The following ITGB2 variants were observed in gnomAD, a reference collection of about 807,000 sequenced individuals.
ITGB2 encodes integrin subunit beta 2, also known as integrin beta-2.
Under a neutral mutation model 86.8 loss-of-function variants are expected in ITGB2, and 56 were observed. The observed-to-expected ratio is 0.65, with a 90% CI of 0.52 to 0.81. ITGB2 has a LOEUF of 0.81. ITGB2 is among the 30% of genes least tolerant of loss of function. The pLI is 0.00. For synonymous variants in ITGB2, 457 were observed against 450.4 expected, an observed-to-expected ratio of 1.01 and a Z score of -0.19; for missense variants, 948 against 1,061.2, an observed-to-expected ratio of 0.89 and a Z score of 1.48.
intron 8 of ITGB2, among the ~76,000 whole-genome samples, chr21:44,896,311 C>T (rs966806267): frequency 1.3e-5 from 2 of 152,202 alleles, no homozygotes; most frequent in African/African-American, 4.8e-5. Flanking sequence ...GTAAAATCAC[C>T]AGGAAGCCAT....
Position 44,895,043 on chromosome 21 carries a change from G to A in ITGB2, c.1011C>T (p.Ile337=). 6.2e-7 allele frequency: 1 copy of A among 1,613,504 alleles called. No homozygotes were observed. Among genetic ancestry groups the A allele is most frequent in the Non-Finnish European group, 8.5e-7 (1 of 1,179,652 alleles). The change falls in exon 9 of 16, where the codon ATC becomes ATT. Residue 337 remains isoleucine, a synonymous_variant. Coordinates refer to ENST00000652462, the MANE Select transcript of ITGB2 (RefSeq NM_000211.5). ...ACAGCTCCCCCACGGCTGACTTGGG[G>A]ATGATCTCGGTGAGTTTCTGTTGGG... The part of the protein sequence containing the change: ...VKTYEKLTEI[I]PKSAVGELSE...
rs758945566 is a variant in ITGB2, at chr21:44,903,536, C to CT, written c.329-2dup. 3.6e-5 allele frequency: 58 copies of CT among 1,613,874 alleles called. No homozygotes were observed. Among genetic ancestry groups the CT allele is most frequent in the Non-Finnish European group, 2.2e-5 (26 of 1,179,954 alleles). On this transcript the variant is annotated splice_acceptor_variant, in intron 4 of 15. Coordinates refer to ENST00000652462, the MANE Select transcript of ITGB2 (RefSeq NM_000211.5). LOFTEE classifies it high-confidence loss of function. ...GTCACGTTGAACGCTGCTGCCTGGCCTGCCGGTGGGGACAGAACAAAAGGA... is the reference window on the plus strand; with the variant it reads ...GTCACGTTGAACGCTGCTGCCTGGCCTTGCCGGTGGGGACAGAACAAAAGGA...
intron 14 of ITGB2, among the ~76,000 whole-genome samples, chr21:44,887,859 C>T (rs886102039): frequency 2.0e-5 from 3 of 152,338 alleles, no homozygotes; most frequent in South Asian, 2.1e-4. Context: ...CAGAGACCCC[C>T]GCCGCCTGCC....
At chr21:44,887,028 AC>A in intron 14 of ITGB2, 126 bp from the exon 15 acceptor site, 2 of 1,092,404 alleles carry the variant, frequency 1.8e-6, no homozygotes, top group Non-Finnish European at 1.3e-6. Flanking sequence ...GCCCCGGCTC[AC>A]CATCCATCAC....
chr21:44,890,725 C>A (rs1055826391), intron 11 of ITGB2, among the ~76,000 whole-genome samples: 2 of 152,136 alleles, frequency 1.3e-5, no homozygotes, highest in Admixed American at 6.5e-5. Flanking sequence ...AGGCAGGAGC[C>A]ACACACACCC....
At chr21:44,927,151 T>C (rs902340099) in intron 1 of ITGB2, 1 of 152,486 alleles carries the variant, frequency 6.6e-6, no homozygotes. Flanking sequence ...AGGAGGTCTC[T>C]CTGTGACAGG....
rs574393878 is a variant in ITGB2, at chr21:44,888,635, C to T, written c.2080+58G>A. On this transcript the variant is annotated intron_variant, in intron 14 of 15. Coordinates refer to ENST00000652462, the MANE Select transcript of ITGB2 (RefSeq NM_000211.5). ...TCCTTCCGCACCACCCTCGCCTCTG[C>T]GGAGACCCCGCAGCCGGAGCTCTGG... 1.2e-3 allele frequency: 1,929 copies of T among 1,574,488 alleles called. 3 individuals are homozygous for T. The highest frequency in any genetic ancestry group is 1.6e-3 in the Non-Finnish European group (1,804 of 1,157,578).
chr21:44,914,795 T>C (rs185183520), intron 1 of ITGB2, among the ~76,000 whole-genome samples: 1 of 151,974 alleles, frequency 6.6e-6, no homozygotes, highest in Non-Finnish European at 1.5e-5. Flanking sequence ...TAGCCAGACA[T>C]GGTGGCATGC....
intron 4 of ITGB2, 90 bp from the exon 5 acceptor site, chr21:44,903,625 G>T: frequency 2.0e-6 from 3 of 1,479,196 alleles, no homozygotes; most frequent in Non-Finnish European, 2.8e-6. Flanking sequence ...CTGTGCACTG[G>T]CACCCTCTCC....
chr21:44,891,141 GGCAA>G (rs1488816855), intron 11 of ITGB2, among the ~76,000 whole-genome samples: 2 of 152,242 alleles, frequency 1.3e-5, no homozygotes, highest in South Asian at 4.1e-4. Flanking sequence ...GCTCTGGCCA[GGCAA>G]GCAAGGAAAG....
chr21:44,902,808 T>TTGTGTGTG (rs34031498), intron 5 of ITGB2, among the ~76,000 whole-genome samples: 3 of 151,896 alleles, frequency 2.0e-5, no homozygotes, highest in African/African-American at 7.3e-5. Flanking sequence ...ATGCATTTGC[T>TTGTGTGTG]TGTGTGTGTG....
chr21:44,895,346 A>G (rs1055700325), intron 8 of ITGB2, among the ~76,000 whole-genome samples: 5 of 152,176 alleles, frequency 3.3e-5, no homozygotes, highest in East Asian at 1.9e-4. Context: ...CCTGGGCAAC[A>G]TAAGAAGACC....
chr21:44,903,347 G>A lies in ITGB2; in HGVS notation c.499+18C>T. 6.2e-7 allele frequency: 1 copy of A among 1,613,882 alleles called. No individual in the cohort carries two copies. ...CTGGGAAAGGACTGGGTTTTGTCCT[G>A]CAGTGCCTGGGCCTCACCAATGCGG... On this transcript the variant is annotated intron_variant, in intron 5 of 15. Coordinates refer to ENST00000652462, the MANE Select transcript of ITGB2 (RefSeq NM_000211.5).
At chr21:44,902,367 G>T (rs933841150) in intron 5 of ITGB2, among the ~76,000 whole-genome samples, 3 of 152,176 alleles carry the variant, frequency 2.0e-5, no homozygotes, top group Admixed American at 6.6e-5. Context: ...GCATTTGTGT[G>T]TGAGCGTGCA....
At chr21:44,904,784 A>G (rs879266199) in intron 4 of ITGB2, among the ~76,000 whole-genome samples, 28 of 151,582 alleles carry the variant, frequency 1.8e-4, no homozygotes, top group Non-Finnish European at 4.0e-4. Context: ...CCACACATAT[A>G]CACACACCCC....
Position 44,894,954 on chromosome 21 carries a change from T to C in ITGB2, c.1083+17A>G, listed in dbSNP as rs764255567. ...GGCCACCCCATGGGTCCCAGCTGAG[T>C]GGTGCGGGAGACTCACATTGTAAGC... On this transcript the variant is annotated intron_variant, in intron 9 of 15. Transcript: ENST00000652462. 3 of 1,544,082 alleles carry C rather than the reference T, an allele frequency of 1.9e-6. No homozygotes were observed. Among genetic ancestry groups the C allele is most frequent in the African/African-American group, 2.7e-5 (2 of 73,270 alleles).
Position 44,895,119 on chromosome 21 carries a change from G to A in ITGB2, c.994-59C>T, listed in dbSNP as rs148573595. 16 of 1,259,496 alleles carry A rather than the reference G, an allele frequency of 1.3e-5. No individual in the cohort carries two copies. In the East Asian group the frequency reaches 1.6e-4, roughly 13 times the overall value. 78.0% of individuals were successfully genotyped at this position (1,259,496 alleles called of 1,614,324 possible). ...AGGACCTGTGCCACGGCATCTCCAC[G>A]CACTGGGCTCACCCCAGGGGCTTCT... On this transcript the variant is annotated intron_variant, in intron 8 of 15. Transcript: ENST00000652462.
chr21:44,897,577 C>T (rs1465340553), intron 8 of ITGB2, among the ~76,000 whole-genome samples: 2 of 152,226 alleles, frequency 1.3e-5, no homozygotes, highest in African/African-American at 4.8e-5. Context: ...CGCCGGGCAC[C>T]ACTACCCCTT....
In ITGB2 at chr21:44,899,803, C is replaced by T. The variant is rs529464567; in HGVS notation, c.897+517G>A. Among the ~76,000 whole-genome samples, 13 of 152,346 alleles carry T rather than the reference C, an allele frequency of 8.5e-5. No homozygotes were observed. In the East Asian group the frequency reaches 1.7e-3, roughly 20 times the overall value. On this transcript the variant is annotated intron_variant, in intron 7 of 15. Transcript: ENST00000652462. The stretch of plus-strand genomic sequence containing the variant: ...CCGTGCATCCTGGGCTCCTTCTCGC[C>T]TCTGTCCCTCCCTGCATGTTCCTCA...
Sources: gnomAD v4.1 joint callset for allele counts (sites outside exome capture counted in the v4.1 genomes callset) on GRCh38, gnomAD v4.1.1 for gene constraint, MANE v1.5 for transcripts, NCBI Gene and HGNC (gene_info 2026-07-23, HGNC 2026-07-21) for gene names.